Variants in SLC24A2 observed in about 807,000 individuals in gnomAD.
SLC24A2 encodes solute carrier family 24 member 2.
SLC24A2 carries 36 observed loss-of-function variants against 62.0 expected under a neutral mutation model. The observed-to-expected ratio is 0.58, with a 90% CI of 0.44 to 0.77. The LOEUF (loss-of-function observed/expected upper bound fraction) is 0.77, where lower values mean the gene tolerates loss of function less well. SLC24A2 is among the 30% of genes least tolerant of loss of function. The pLI, the probability that SLC24A2 is intolerant of heterozygous loss-of-function variation, is 0.00. For missense variants in SLC24A2, 846 were observed against 817.9 expected, an observed-to-expected ratio of 1.03 and a Z score of -0.42; for synonymous variants, 358 against 294.0, an observed-to-expected ratio of 1.22 and a Z score of -2.23.
the SLC24A2 span, among the ~76,000 whole-genome samples, chr9:19,809,959 C>T: frequency 1.3e-5 from 2 of 152,118 alleles, no homozygotes; most frequent in Admixed American, 6.5e-5. Flanking sequence ...TGGTGCCAGA[C>T]AACAAACCCC....
chr9:19,570,564 C>T (rs920467998), intron 7 of SLC24A2, among the ~76,000 whole-genome samples: 1 of 152,200 alleles, frequency 6.6e-6, no homozygotes, highest in Non-Finnish European at 1.5e-5. Flanking sequence ...AACCATTTCA[C>T]TTTACATACA....
At chr9:19,606,706 A>G (rs1836993429) in intron 4 of SLC24A2, among the ~76,000 whole-genome samples, 1 of 152,240 alleles carries the variant, frequency 6.6e-6, no homozygotes, top group Non-Finnish European at 1.5e-5. Flanking sequence ...AAACTATATA[A>G]GCAACAATGC....
At chr9:19,796,020 GAC>G in the SLC24A2 span, among the ~76,000 whole-genome samples, 1 of 148,990 alleles carries the variant, frequency 6.7e-6, no homozygotes, top group Non-Finnish European at 1.5e-5. Flanking sequence ...CTATCGTAAG[GAC>G]AAAAAACCAA....
chr9:19,790,078 C>G (rs577406686), upstream of SLC24A2, among the ~76,000 whole-genome samples: 68 of 150,838 alleles, frequency 4.5e-4, no homozygotes, highest in African/African-American at 1.7e-3. Context: ...CCAATCAAAG[C>G]CAGGCATTCA....
intron 8 of SLC24A2, among the ~76,000 whole-genome samples, chr9:19,548,022 C>T (rs984385999): frequency 1.3e-5 from 2 of 151,550 alleles, no homozygotes; most frequent in South Asian, 4.1e-4. Context: ...TTTAAGTGAG[C>T]CACACCTGTG....
At chr9:19,679,593 A>G (rs1819656115) in intron 2 of SLC24A2, among the ~76,000 whole-genome samples, 2 of 152,150 alleles carry the variant, frequency 1.3e-5, no homozygotes, top group Admixed American at 1.3e-4. Context: ...GCATTGTGCA[A>G]TCTATTGAGG....
intron 2 of SLC24A2, among the ~76,000 whole-genome samples, chr9:19,707,740 T>C (rs1190825793): frequency 6.6e-6 from 1 of 152,214 alleles, no homozygotes; most frequent in Non-Finnish European, 1.5e-5. Flanking sequence ...AATTAGGTAT[T>C]GATGGGATGT....
the SLC24A2 span, among the ~76,000 whole-genome samples, chr9:20,283,749 A>T: frequency 7.7e-6 from 1 of 130,514 alleles, no homozygotes; most frequent in South Asian, 3.5e-4. Flanking sequence ...AGAGAAAAAA[A>T]AAGGGGGGGG....
intron 5 of SLC24A2, among the ~76,000 whole-genome samples, chr9:19,582,153 T>A (rs534070704): frequency 6.6e-6 from 1 of 152,268 alleles, no homozygotes; most frequent in South Asian, 2.1e-4. Context: ...GATCCAAGCA[T>A]AAGAGCTGAA....
In SLC24A2 at chr9:19,615,638, T is replaced by C. The variant is rs147233486; in HGVS notation, c.1078+3946A>G. 1.2e-3 allele frequency among the ~76,000 whole-genome samples: 180 copies of C among 152,324 alleles called. 1 individual carries two copies. Among genetic ancestry groups the C allele is most frequent in the Middle Eastern group, 0.01 (3 of 294 alleles). ...AATCACTCAAGTCCAGAGCTGATTA[T>C]GGCTCTCAGCATCTCTCAGATTCAC... On this transcript the variant is annotated intron_variant, in intron 4 of 10. Coordinates refer to ENST00000341998, the MANE Select transcript of SLC24A2 (RefSeq NM_020344.4).
chr9:19,970,038 C>T, the SLC24A2 span, among the ~76,000 whole-genome samples: 1 of 152,186 alleles, frequency 6.6e-6, no homozygotes, highest in East Asian at 1.9e-4. Flanking sequence ...AAGGAATCCT[C>T]TACCTGACCT....
At chr9:20,009,727 C>T in the SLC24A2 span, among the ~76,000 whole-genome samples, 4 of 152,118 alleles carry the variant, frequency 2.6e-5, no homozygotes, top group Non-Finnish European at 4.4e-5. Context: ...TAAGCCTTTC[C>T]CAAGTCAGGA....
the SLC24A2 span, among the ~76,000 whole-genome samples, chr9:19,844,660 T>G: frequency 2.6e-5 from 4 of 152,112 alleles, no homozygotes; most frequent in African/African-American, 9.7e-5. Flanking sequence ...CGTCTTACAT[T>G]TAAATATTTA....
intron 2 of SLC24A2, among the ~76,000 whole-genome samples, chr9:19,776,483 C>G (rs1822849983): frequency 6.6e-6 from 1 of 152,130 alleles, no homozygotes; most frequent in South Asian, 2.1e-4. Context: ...TTGGAGAGAC[C>G]TATAGAGACC....
intron 9 of SLC24A2, among the ~76,000 whole-genome samples, chr9:19,525,607 T>C (rs186515061): frequency 1.3e-3 from 200 of 151,622 alleles, no homozygotes; most frequent in African/African-American, 4.6e-3. Flanking sequence ...TTTTGCCATG[T>C]TGCCCAGGCT....
chr9:19,936,011 T>A, the SLC24A2 span, among the ~76,000 whole-genome samples: 5 of 152,166 alleles, frequency 3.3e-5, no homozygotes, highest in African/African-American at 1.2e-4. Flanking sequence ...CACAAAGAGT[T>A]TTGAAAGAAA....
chr9:20,124,877 A>T, the SLC24A2 span, among the ~76,000 whole-genome samples: 1 of 152,224 alleles, frequency 6.6e-6, no homozygotes, highest in Non-Finnish European at 1.5e-5. Flanking sequence ...GGGAAGATTC[A>T]TTTATTGAAG....
intron 8 of SLC24A2, among the ~76,000 whole-genome samples, chr9:19,546,802 G>A (rs900679491): frequency 6.6e-6 from 1 of 152,062 alleles, no homozygotes; most frequent in Non-Finnish European, 1.5e-5. Context: ...ACTCAGTTTT[G>A]TGCTTGAAAC....
At chr9:19,977,625 C>T in the SLC24A2 span, among the ~76,000 whole-genome samples, 2 of 152,122 alleles carry the variant, frequency 1.3e-5, no homozygotes, top group Non-Finnish European at 2.9e-5. Flanking sequence ...GTGTGTCAGG[C>T]AAGTAGCTGG....
Sources: allele counts gnomAD v4.1 joint callset (sites outside exome capture counted in the v4.1 genomes callset), GRCh38; gene constraint gnomAD v4.1.1; transcripts MANE v1.5; gene names NCBI Gene and HGNC (gene_info 2026-07-23, HGNC 2026-07-21).